Variants in PPM1H observed in about 807,000 individuals in gnomAD.
PPM1H encodes protein phosphatase, Mg2+/Mn2+ dependent 1H, also known as protein phosphatase 1H.
A neutral mutation model predicts 54.9 loss-of-function variants in PPM1H; 27 were observed. The ratio of observed to expected loss-of-function variants is 0.49; its 90% CI spans 0.36 to 0.68. PPM1H has a LOEUF of 0.68. PPM1H is among the 30% of genes least tolerant of loss of function. The pLI is 0.00. For missense variants in PPM1H, 596 were observed against 667.8 expected (o/e 0.89, Z 1.19); for synonymous variants, 305 against 270.8 (o/e 1.13, Z -1.24).
intron 1 of PPM1H, among the ~76,000 whole-genome samples, chr12:62,918,182 G>C (rs1001362165): frequency 1.3e-5 from 2 of 152,146 alleles, no homozygotes; most frequent in African/African-American, 4.8e-5. Context: ...CCACAGACTG[G>C]CTAGGGAAAG....
At chr12:62,840,082 A>AGAGAGAGAGC (rs1555200502) in intron 1 of PPM1H, 7 of 125,318 alleles carry the variant, frequency 5.6e-5, no homozygotes, top group African/African-American at 2.8e-4. Context: ...AGAGAGAGAG[A>AGAGAGAGAGC]GAGCGAGAGA....
chr12:62,812,369 C>T (rs1413189902), intron 2 of PPM1H, among the ~76,000 whole-genome samples: 4 of 152,118 alleles, frequency 2.6e-5, no homozygotes, highest in Non-Finnish European at 5.9e-5. Context: ...AATGTTTAAC[C>T]TTATTTTTGC....
chr12:62,880,164 C>A (rs1271378723), intron 1 of PPM1H, among the ~76,000 whole-genome samples: 1 of 152,188 alleles, frequency 6.6e-6, no homozygotes, highest in African/African-American at 2.4e-5. Context: ...TGCATATACA[C>A]ACACACATAA....
chr12:62,735,809 T>C lies in PPM1H; in HGVS notation c.954+1693A>G, dbSNP rs2076346595. On this transcript the variant is annotated intron_variant, in intron 5 of 9. Coordinates refer to ENST00000228705, the MANE Select transcript of PPM1H (RefSeq NM_020700.2). ...GGAGTCTTAAAGAATGAAGAGGAGTTCTCCTAACAGAAAAGAAAGAAAAGG... is the reference window on the plus strand; with the variant it reads ...GGAGTCTTAAAGAATGAAGAGGAGTCCTCCTAACAGAAAAGAAAGAAAAGG... 2.0e-5 allele frequency among the ~76,000 whole-genome samples: 3 copies of C among 152,006 alleles called. No homozygotes were observed. The South Asian group carries it at 6.2e-4, about 32-fold the overall frequency.
intron 4 of PPM1H, among the ~76,000 whole-genome samples, chr12:62,778,046 A>G (rs12297416): frequency 1.5e-3 from 226 of 152,318 alleles, no homozygotes; most frequent in African/African-American, 5.0e-3. Flanking sequence ...TTTCTTCACT[A>G]TGTTTGACAG....
intron 1 of PPM1H, among the ~76,000 whole-genome samples, chr12:62,883,638 C>T (rs1208293272): frequency 6.6e-6 from 1 of 152,172 alleles, no homozygotes; most frequent in Non-Finnish European, 1.5e-5. Flanking sequence ...TAAGAACATA[C>T]TAGAAGCAAG....
At chr12:62,756,812 C>T (rs2076479371) in intron 4 of PPM1H, among the ~76,000 whole-genome samples, 1 of 151,840 alleles carries the variant, frequency 6.6e-6, no homozygotes, top group Non-Finnish European at 1.5e-5. Context: ...TAGTAAGCTG[C>T]AGAGATGAGA....
intron 4 of PPM1H, among the ~76,000 whole-genome samples, chr12:62,780,769 C>G (rs1456036031): frequency 6.6e-6 from 1 of 152,206 alleles, no homozygotes; most frequent in African/African-American, 2.4e-5. Context: ...TGATCAGGCC[C>G]TGGAAATCTA....
At position 62,934,780 on chromosome 12, in the gene PPM1H, G is replaced by C. The variant is rs769341272; in HGVS notation, c.-44C>G. 6.7e-5 allele frequency: 97 copies of C among 1,445,932 alleles called. No homozygotes were observed. The highest frequency in any genetic ancestry group is 8.5e-5 in the Non-Finnish European group (93 of 1,095,706). 89.6% of individuals were successfully genotyped at this position (1,445,932 alleles called of 1,614,324 possible). ...TGCAGCGGTGCGAGCAGGAGGCGGC[G>C]GGGGCCGGGCAAGGCGCAGCGCGGG... On this transcript the variant is annotated 5_prime_UTR_variant, in exon 1 of 10. Transcript: ENST00000228705. This position sits in a 1 kb window ranked among gnomAD's most constrained non-coding sequence, Gnocchi z 4.2.
chr12:62,793,935 T>C (rs1032213497), intron 3 of PPM1H, among the ~76,000 whole-genome samples: 2 of 152,152 alleles, frequency 1.3e-5, no homozygotes, highest in Admixed American at 6.5e-5. Context: ...CAATATCTGG[T>C]AGCAGAAAGG....
chr12:62,802,332 C>CA (rs952110587), intron 2 of PPM1H, among the ~76,000 whole-genome samples, 172 bp from the exon 3 acceptor site: 177 of 151,608 alleles, frequency 1.2e-3, no homozygotes, highest in African/African-American at 3.9e-3. Context: ...AAAACAAAAA[C>CA]AAAAAAAACA....
chr12:62,895,470 C>T (rs1870952802), intron 1 of PPM1H, among the ~76,000 whole-genome samples: 1 of 152,184 alleles, frequency 6.6e-6, no homozygotes, highest in African/African-American at 2.4e-5. Context: ...GCAGCAGCAG[C>T]ACCTGGGACT....
intron 8 of PPM1H, among the ~76,000 whole-genome samples, chr12:62,682,223 C>CT (rs1408982689): frequency 6.6e-6 from 1 of 152,140 alleles, no homozygotes; most frequent in Non-Finnish European, 1.5e-5. Flanking sequence ...TGCATATATG[C>CT]TTTTTTCTGC....
intron 9 of PPM1H, among the ~76,000 whole-genome samples, chr12:62,652,090 T>C (rs1328804284): frequency 6.6e-6 from 1 of 152,224 alleles, no homozygotes. Flanking sequence ...TCCCCAGCTA[T>C]CATCCTTAGT....
At chr12:62,750,338 T>A (rs1172791039) in intron 4 of PPM1H, among the ~76,000 whole-genome samples, 2 of 152,230 alleles carry the variant, frequency 1.3e-5, no homozygotes, top group Admixed American at 6.5e-5. Context: ...TATGGATTAA[T>A]CTATTCTGGA....
intron 5 of PPM1H, among the ~76,000 whole-genome samples, chr12:62,734,058 G>C (rs1389596776): frequency 6.6e-6 from 1 of 151,798 alleles, no homozygotes. Context: ...CATGAGGGTA[G>C]AGCCCTCATA....
At chr12:62,888,879 G>A (rs1403281946) in intron 1 of PPM1H, among the ~76,000 whole-genome samples, 2 of 152,160 alleles carry the variant, frequency 1.3e-5, no homozygotes, top group East Asian at 1.9e-4. Context: ...GCAAGGTGAC[G>A]AAGCCAGAAT....
chr12:62,933,802 A>T (rs903230007), intron 1 of PPM1H: 1 of 152,194 alleles, frequency 6.6e-6, no homozygotes, highest in Admixed American at 6.5e-5. Context: ...AGTCAAACGC[A>T]AGCTTAATCA....
intron 8 of PPM1H, among the ~76,000 whole-genome samples, chr12:62,675,477 G>A (rs1288301037): frequency 2.4e-5 from 3 of 124,872 alleles, no homozygotes; most frequent in Non-Finnish European, 5.4e-5. Context: ...TCACAAAAAT[G>A]CCCATTTGCA....
Sources: allele counts gnomAD v4.1 joint callset (sites outside exome capture counted in the v4.1 genomes callset), GRCh38; gene constraint gnomAD v4.1.1; non-coding constraint Gnocchi (gnomAD v3.1); transcripts MANE v1.5; gene names NCBI Gene and HGNC (gene_info 2026-07-23, HGNC 2026-07-21).